The following CERT1 variants were observed in gnomAD, a reference collection of about 807,000 sequenced individuals.
CERT1 encodes the protein ceramide transporter 1.
Under a neutral mutation model 87.9 loss-of-function variants are expected in CERT1, and 31 were observed. The ratio of observed to expected loss-of-function variants is 0.35; its 90% CI spans 0.27 to 0.48. The LOEUF is 0.48. Ranked by LOEUF, CERT1 falls within the 20% of genes least tolerant of loss-of-function variation. The pLI, the probability that CERT1 is intolerant of heterozygous loss-of-function variation, is 0.99. For synonymous variants in CERT1, 289 were observed against 250.9 expected (o/e 1.15, Z -1.44); for missense variants, 487 against 758.0 (o/e 0.64, Z 4.20).
At chr5:75,372,936 T>C (rs1761138707), downstream of CERT1, 1 of 152,222 alleles carries the variant, frequency 6.6e-6, no homozygotes, top group South Asian at 2.1e-4. Flanking sequence ...GTAAACACAA[T>C]GAAGATTTTG....
In CERT1 at chr5:75,418,208, C is replaced by T. The variant is rs375548325; in HGVS notation, c.679+1133G>A. On this transcript the variant is annotated intron_variant, in intron 6 of 16. Transcript: ENST00000643780. ...GCCCAACATGAGTAAAAAATGTGAACACACACTTCACCAAAGAGCAGATAT... is the reference window on the plus strand; with the variant it reads ...GCCCAACATGAGTAAAAAATGTGAATACACACTTCACCAAAGAGCAGATAT... Among the ~76,000 whole-genome samples, 375 of 152,154 alleles carry T rather than the reference C, an allele frequency of 2.5e-3. 2 individuals carry two copies. Among genetic ancestry groups the T allele is most frequent in the Non-Finnish European group, 4.5e-3 (308 of 67,994 alleles).
chr5:75,409,580 G>A (rs930892640), intron 8 of CERT1, among the ~76,000 whole-genome samples: 3 of 151,980 alleles, frequency 2.0e-5, no homozygotes, highest in East Asian at 1.9e-4. Flanking sequence ...AGGCTGGAGC[G>A]CAGTGGCACG....
chr5:75,466,215 G>C (rs1407513420), intron 2 of CERT1, among the ~76,000 whole-genome samples: 3 of 152,072 alleles, frequency 2.0e-5, no homozygotes, highest in African/African-American at 7.2e-5. Context: ...TAGAAGCCAG[G>C]AACAAGATAG....
At chr5:75,452,576 T>C (rs997744289) in intron 3 of CERT1, among the ~76,000 whole-genome samples, 7 of 152,120 alleles carry the variant, frequency 4.6e-5, no homozygotes, top group African/African-American at 1.7e-4. Context: ...TTGTAGAAGA[T>C]TCTGAAAATA....
At chr5:75,496,626 C>T (rs957176234) in intron 2 of CERT1, among the ~76,000 whole-genome samples, 12 of 152,092 alleles carry the variant, frequency 7.9e-5, no homozygotes, top group Non-Finnish European at 1.2e-4. Context: ...TATAGTGAAA[C>T]AGTATTCAGC....
Position 75,382,047 on chromosome 5 carries a change from A to G in CERT1, c.1519T>C (p.Leu507=). 1 of 1,614,032 alleles carries G rather than the reference A, an allele frequency of 6.2e-7. No individual in the cohort carries two copies. The highest frequency in any genetic ancestry group is 8.5e-7 in the Non-Finnish European group (1 of 1,179,960). ...RVWPASQRDV[L]YLSVIRKIPA... ...ATCTTTCGAATGACAGAAAGATATA[A>G]TACGTCTCGCTGAGAAGCAGGCCAC... The change falls in exon 15 of 17, where the codon TTA becomes CTA. Residue 507 remains leucine, a synonymous_variant. Transcript: ENST00000643780.
chr5:75,381,193 G>C lies in CERT1; in HGVS notation c.1626C>G (p.Asn542Lys). The change falls in exon 16 of 17, where the codon AAC (asparagine) becomes AAG (lysine). Residue 542 changes from asparagine to lysine, a missense_variant. Physicochemically the swap from Asn to Lys is moderately conservative, Grantham distance 94. This residue lies in a region of CERT1 where 147 missense variants were observed against 200.8 expected (regional missense o/e 0.73). Transcript: ENST00000643780. ...CATTTATTTTGGCACGGACACATCG[G>C]TTGTTTAGCTGCCAAAACAAAAAAC... ...SVDHDSAPLN[N>K]RCVRAKINVA... The C allele has an allele frequency of 6.2e-7, 1 of 1,614,084 alleles. No homozygotes were observed. The highest frequency in any genetic ancestry group is 8.5e-7 in the Non-Finnish European group (1 of 1,179,988).
intron 2 of CERT1, among the ~76,000 whole-genome samples, chr5:75,475,229 T>C (rs1383207926): frequency 1.3e-5 from 2 of 152,160 alleles, no homozygotes; most frequent in African/African-American, 2.4e-5. Flanking sequence ...ACAAATGCCA[T>C]GATAGCCAGA....
intron 3 of CERT1, among the ~76,000 whole-genome samples, chr5:75,453,017 G>A (rs1046915137): frequency 6.6e-6 from 1 of 152,096 alleles, no homozygotes; most frequent in African/African-American, 2.4e-5. Context: ...ATGACCTCGG[G>A]AATAACTTTT....
intron 2 of CERT1, among the ~76,000 whole-genome samples, chr5:75,463,768 A>G (rs1242677356): frequency 3.3e-5 from 5 of 152,188 alleles, no homozygotes; most frequent in Admixed American, 6.5e-5. Flanking sequence ...TCAGTCTCAA[A>G]TCTATCTCCC....
rs778198001 is a variant in CERT1, at chr5:75,400,272, T to C, written c.1043A>G (p.His348Arg). 1.2e-6 allele frequency: 2 copies of C among 1,613,362 alleles called. No homozygotes were observed. Among genetic ancestry groups the C allele is most frequent in the Non-Finnish European group, 1.7e-6 (2 of 1,179,414 alleles). Reference protein sequence around the residue: ...EQSQSEKVRLHWPTSLPSGDA... With the variant: ...EQSQSEKVRLRWPTSLPSGDA... ...TCCAGAGGGCAAGGATGTAGGCCAA[T>C]GTAATCTCACCTTTTCACTCTGTGA... is the stretch of plus-strand genomic sequence containing the variant. Residue 348 changes from histidine to arginine, a missense_variant, in exon 10 of 17, where the codon CAT (histidine) becomes CGT (arginine). This residue lies in a region of CERT1 where 91 missense variants were observed against 86.7 expected (regional missense o/e 1.05). Transcript: ENST00000643780.
chr5:75,420,230 G>A lies in CERT1; in HGVS notation c.596-806C>T, dbSNP rs887306276. Among the ~76,000 whole-genome samples, 15 of 151,950 alleles carry A rather than the reference G, an allele frequency of 9.9e-5. No homozygotes were observed. In the East Asian group the frequency reaches 2.1e-3, roughly 22 times the overall value. On this transcript the variant is annotated intron_variant, in intron 5 of 16. Coordinates refer to ENST00000643780, the MANE Select transcript of CERT1 (RefSeq NM_001379029.1). The stretch of plus-strand genomic sequence containing the variant: ...CCTGGCCTCATGATCCGCCCACCTC[G>A]GCCTCCCAATGTGCTGGGATTACAG...
At chr5:75,457,995 T>C (rs1248607177) in intron 3 of CERT1, among the ~76,000 whole-genome samples, 2 of 150,218 alleles carry the variant, frequency 1.3e-5, no homozygotes, top group African/African-American at 2.5e-5. Flanking sequence ...TGTGTGTGTG[T>C]GTTTTGTGCC....
chr5:75,454,666 C>A (rs1764899245), intron 3 of CERT1, among the ~76,000 whole-genome samples: 1 of 152,138 alleles, frequency 6.6e-6, no homozygotes, highest in Non-Finnish European at 1.5e-5. Context: ...TGACAACGAC[C>A]AACTAAGACC....
chr5:75,416,162 G>A (rs1052401885), intron 7 of CERT1, among the ~76,000 whole-genome samples: 3 of 152,150 alleles, frequency 2.0e-5, no homozygotes, highest in African/African-American at 7.2e-5. Flanking sequence ...AGAGAAAAAT[G>A]CCTCTAACTC....
intron 2 of CERT1, among the ~76,000 whole-genome samples, chr5:75,473,564 T>C (rs780986734): frequency 3.3e-5 from 5 of 152,070 alleles, no homozygotes; most frequent in Non-Finnish European, 5.9e-5. Context: ...GTTACCAGAG[T>C]CTGGAGTGTT....
At chr5:75,394,640 G>A (rs773814822) in intron 11 of CERT1, among the ~76,000 whole-genome samples, 2 of 152,110 alleles carry the variant, frequency 1.3e-5, no homozygotes, top group African/African-American at 2.4e-5. Flanking sequence ...CAGGTGGATC[G>A]CTTGAGTCCA....
intron 7 of CERT1, among the ~76,000 whole-genome samples, chr5:75,415,307 A>G (rs1763093218): frequency 6.6e-6 from 1 of 152,170 alleles, no homozygotes; most frequent in South Asian, 2.1e-4. Context: ...AGACTATAAA[A>G]CACAGTAGTG....
rs375052732 is a variant in CERT1, at chr5:75,399,278, A to T, written c.1188+32T>A. On this transcript the variant is annotated intron_variant, in intron 11 of 16. Transcript: ENST00000643780. ...GCAGGCTGAAATATAGCACAGAAAGACTCAAGTCCACTCTATACATTCATA... is the reference window on the plus strand; with the variant it reads ...GCAGGCTGAAATATAGCACAGAAAGTCTCAAGTCCACTCTATACATTCATA... 2.0e-5 allele frequency: 29 copies of T among 1,481,112 alleles called. No homozygotes were observed. The African/African-American group carries it at 4.0e-4, about 21-fold the overall frequency. The allele number at this position is 1,481,112 out of a possible 1,614,324, so 91.7% of individuals were successfully genotyped here.
Sources: allele counts gnomAD v4.1 joint callset (sites outside exome capture counted in the v4.1 genomes callset), GRCh38; gene constraint gnomAD v4.1.1; regional missense constraint gnomAD v4.1.1; transcripts MANE v1.5; gene names NCBI Gene and HGNC (gene_info 2026-07-23, HGNC 2026-07-21).